The following SEMA3E variants were observed in gnomAD, a reference collection of about 807,000 sequenced individuals.
SEMA3E encodes semaphorin 3E, also known as semaphorin-3E.
SEMA3E carries 49 observed loss-of-function variants against 93.6 expected under a neutral mutation model. The observed-to-expected ratio is 0.52, with a 90% CI of 0.42 to 0.66. The LOEUF is 0.66. SEMA3E is among the 30% of genes least tolerant of loss of function. SEMA3E has a pLI of 0.00. For synonymous variants in SEMA3E, 363 were observed against 330.7 expected (o/e 1.10, Z -1.06); for missense variants, 906 against 964.8 (o/e 0.94, Z 0.81).
At chr7:83,626,951 A>G (rs1793682366) in intron 1 of SEMA3E, among the ~76,000 whole-genome samples, 1 of 152,070 alleles carries the variant, frequency 6.6e-6, no homozygotes, top group South Asian at 2.1e-4. Flanking sequence ...TTCTGCCTTA[A>G]TTTCGTTATT....
intron 1 of SEMA3E, among the ~76,000 whole-genome samples, chr7:83,523,125 G>A (rs1184852474): frequency 1.3e-5 from 2 of 152,092 alleles, no homozygotes; most frequent in African/African-American, 4.8e-5. Flanking sequence ...GTATACCAGA[G>A]CAAATGAGCA....
rs115699807 is a variant in SEMA3E at position 83,415,072 on chromosome 7, C to T, written c.550+3318G>A. ...AAAATGACACATGACATAAAGAACA[C>T]TGTTTCCTGGATTTTTATTTGGCCA... On this transcript the variant is annotated intron_variant, in intron 5 of 16. Coordinates refer to ENST00000643230, the MANE Select transcript of SEMA3E (RefSeq NM_012431.3). Among the ~76,000 whole-genome samples the T allele has an allele frequency of 5.4e-3, 827 of 152,130 alleles. 8 individuals carry two copies. The highest frequency in any genetic ancestry group is 0.019 in the African/African-American group (788 of 41,500).
chr7:83,477,083 C>A (rs191457810), intron 2 of SEMA3E, among the ~76,000 whole-genome samples: 3 of 152,218 alleles, frequency 2.0e-5, no homozygotes, highest in Admixed American at 2.0e-4. Context: ...CTTATTGTTA[C>A]AAGACGTTAT....
rs183152312 is a variant in SEMA3E, at chr7:83,521,794, C to T, written c.116-31520G>A. 1.9e-3 allele frequency among the ~76,000 whole-genome samples: 283 copies of T among 152,178 alleles called. 1 individual carries two copies. The highest frequency in any genetic ancestry group is 3.2e-3 in the Non-Finnish European group (215 of 68,004). On this transcript the variant is annotated intron_variant, in intron 1 of 16. Transcript: ENST00000643230. ...GCCCTCCTGTCTCTTCATATAAGGA[C>T]ACTAATCCTATGAGGGCCCCACCTT...
intron 1 of SEMA3E, among the ~76,000 whole-genome samples, chr7:83,539,895 G>GTGTGTGTGTGTGTT (rs1367132669): frequency 8.6e-5 from 13 of 150,428 alleles, no homozygotes; most frequent in African/African-American, 3.2e-4. Context: ...GTGTGTGTGT[G>GTGTGTGTGTGTGTT]TTTGAAGTGG....
chr7:83,390,131 G>GTATAT (rs1255532528), intron 14 of SEMA3E, among the ~76,000 whole-genome samples: 3 of 54,296 alleles, frequency 5.5e-5, no homozygotes, highest in Admixed American at 1.9e-4. Context: ...GTATACGTGT[G>GTATAT]CACATATATG....
intron 1 of SEMA3E, among the ~76,000 whole-genome samples, chr7:83,516,176 T>A (rs1790923650): frequency 6.6e-6 from 1 of 152,196 alleles, no homozygotes; most frequent in Non-Finnish European, 1.5e-5. Flanking sequence ...CTACTTAGTT[T>A]TATTCATTAA....
chr7:83,467,188 T>C (rs1789786577), intron 3 of SEMA3E, among the ~76,000 whole-genome samples: 1 of 151,038 alleles, frequency 6.6e-6, no homozygotes, highest in Non-Finnish European at 1.5e-5. Flanking sequence ...CCTCAGCCTC[T>C]GGAGTAGCTG....
intron 4 of SEMA3E, among the ~76,000 whole-genome samples, chr7:83,460,261 A>T (rs1319544663): frequency 5.3e-5 from 8 of 152,034 alleles, no homozygotes; most frequent in Non-Finnish European, 1.0e-4. Flanking sequence ...ACCAATTTTA[A>T]ATCAGGTAAG....
At chr7:83,378,923 T>G (rs1315971634) in intron 16 of SEMA3E, among the ~76,000 whole-genome samples, 1 of 151,808 alleles carries the variant, frequency 6.6e-6, no homozygotes, top group Non-Finnish European at 1.5e-5. Flanking sequence ...AAGAACTCAT[T>G]ATATCAAAAT....
At chr7:83,559,060 A>G (rs118135444) in intron 1 of SEMA3E, among the ~76,000 whole-genome samples, 1,649 of 152,172 alleles carry the variant, frequency 0.011, 16 homozygotes, top group Non-Finnish European at 0.019. Flanking sequence ...ATTATAAATA[A>G]AGCACCAATA....
At chr7:83,507,081 A>T (rs976132786) in intron 1 of SEMA3E, among the ~76,000 whole-genome samples, 1 of 152,204 alleles carries the variant, frequency 6.6e-6, no homozygotes, top group African/African-American at 2.4e-5. Context: ...AGCAAAATTC[A>T]TTACCATGTA....
intron 4 of SEMA3E, among the ~76,000 whole-genome samples, chr7:83,459,913 G>T (rs1411398644): frequency 6.6e-6 from 1 of 152,070 alleles, no homozygotes; most frequent in Non-Finnish European, 1.5e-5. Context: ...TGAGCACCTT[G>T]CGACCCCCAC....
chr7:83,619,006 C>T (rs1793488410), intron 1 of SEMA3E, among the ~76,000 whole-genome samples: 2 of 151,958 alleles, frequency 1.3e-5, no homozygotes, highest in South Asian at 4.1e-4. Context: ...TGGTCCAAAA[C>T]ATTATATTCT....
chr7:83,484,869 T>G (rs1310797817), intron 2 of SEMA3E, among the ~76,000 whole-genome samples: 1 of 152,070 alleles, frequency 6.6e-6, no homozygotes, highest in Non-Finnish European at 1.5e-5. Context: ...GATAGAGAGG[T>G]ATTGGTGCAG....
intron 1 of SEMA3E, among the ~76,000 whole-genome samples, chr7:83,557,411 T>G (rs554611041): frequency 1.8e-4 from 28 of 151,830 alleles, no homozygotes; most frequent in African/African-American, 6.3e-4. Context: ...CACATCAAAA[T>G]AGGATTTTAT....
At chr7:83,422,747 T>TAG (rs900520508) in intron 4 of SEMA3E, among the ~76,000 whole-genome samples, 1 of 152,226 alleles carries the variant, frequency 6.6e-6, no homozygotes, top group Non-Finnish European at 1.5e-5. Context: ...ACACCTTATA[T>TAG]AGTAAAATTG....
intron 1 of SEMA3E, among the ~76,000 whole-genome samples, chr7:83,491,119 G>A (rs1790373792): frequency 6.6e-6 from 1 of 152,014 alleles, no homozygotes; most frequent in Non-Finnish European, 1.5e-5. Context: ...AAAGATCAAT[G>A]CCTAATGCAT....
rs1392968060 is a variant in SEMA3E at position 83,628,439 on chromosome 7, T to G, written c.115+19989A>C. Among the ~76,000 whole-genome samples the G allele has an allele frequency of 4.6e-5, 7 of 152,100 alleles. No homozygotes were observed. In the East Asian group the frequency reaches 1.4e-3, roughly 29 times the overall value. ...TTCAGGTACACCAATGAAACATAGT[T>G]TGGTTTCTACACACAGTCCCATGTT... is the stretch of plus-strand genomic sequence containing the variant. On this transcript the variant is annotated intron_variant, in intron 1 of 16. Coordinates refer to ENST00000643230, the MANE Select transcript of SEMA3E (RefSeq NM_012431.3).
Sources: allele counts gnomAD v4.1 joint callset (sites outside exome capture counted in the v4.1 genomes callset), GRCh38; gene constraint gnomAD v4.1.1; transcripts MANE v1.5; gene names NCBI Gene and HGNC (gene_info 2026-07-23, HGNC 2026-07-21).